FASTKD1: variants seen among roughly 807,000 people sequenced by gnomAD.
FASTKD1 encodes the protein FAST kinase domains 1, also known as FAST kinase domain-containing protein 1, mitochondrial.
A neutral mutation model predicts 90.9 loss-of-function variants in FASTKD1; 94 were observed. The ratio of observed to expected loss-of-function variants is 1.03; its 90% CI spans 0.88 to 1.23. FASTKD1 has a LOEUF of 1.23. FASTKD1 is among the 50% of genes most tolerant of loss of function. The pLI is 0.00. For synonymous variants in FASTKD1, 319 were observed against 345.8 expected (o/e 0.92, Z 0.86); for missense variants, 945 against 993.5 (o/e 0.95, Z 0.66).
chr2:169,554,455 G>C (rs1228128850), intron 7 of FASTKD1, among the ~76,000 whole-genome samples: 1 of 151,842 alleles, frequency 6.6e-6, no homozygotes, highest in Non-Finnish European at 1.5e-5. Flanking sequence ...CCTGAGGTCA[G>C]GAGTTCGAAA....
intron 9 of FASTKD1, among the ~76,000 whole-genome samples, chr2:169,541,153 C>T (rs939825235): frequency 1.5e-4 from 23 of 152,158 alleles, no homozygotes; most frequent in Non-Finnish European, 2.8e-4. Flanking sequence ...TGTCAAAATT[C>T]GTCTTTACTC....
At chr2:169,541,133 A>G in intron 9 of FASTKD1, among the ~76,000 whole-genome samples, 1 of 152,242 alleles carries the variant, frequency 6.6e-6, no homozygotes, top group East Asian at 1.9e-4. Context: ...TTCTACCAGC[A>G]AAACTAATCT....
intron 12 of FASTKD1, among the ~76,000 whole-genome samples, chr2:169,534,451 T>G (rs1371950285): frequency 3.2e-4 from 21 of 66,590 alleles, no homozygotes; most frequent in African/African-American, 7.9e-4. Flanking sequence ...ATTTCTGTTG[T>G]TTTTTTTTTT....
intron 2 of FASTKD1, among the ~76,000 whole-genome samples, chr2:169,570,296 T>C (rs1684173896): frequency 6.6e-6 from 1 of 152,222 alleles, no homozygotes; most frequent in African/African-American, 2.4e-5. Context: ...AGGCTGGATT[T>C]CCTTGCAAAC....
intron 3 of FASTKD1, among the ~76,000 whole-genome samples, chr2:169,568,860 A>T (rs3099554): frequency 1.3e-5 from 2 of 151,238 alleles, no homozygotes; most frequent in East Asian, 2.0e-4. Flanking sequence ...ATTAGCCCTG[A>T]GTCATGGTGG....
At chr2:169,562,088 TTTATTGTAAAA>T (rs1409784208) in intron 4 of FASTKD1, among the ~76,000 whole-genome samples, 5 of 135,040 alleles carry the variant, frequency 3.7e-5, no homozygotes, top group Admixed American at 7.8e-5. Context: ...TATTTATTAA[TTTATTGTAAAA>T]TAATTATTTA....
chr2:169,532,900 T>C (rs754627482), intron 12 of FASTKD1, among the ~76,000 whole-genome samples: 1 of 152,212 alleles, frequency 6.6e-6, no homozygotes, highest in African/African-American at 2.4e-5. Context: ...GAGTTCATTA[T>C]AGTAGGCCAA....
intron 12 of FASTKD1, among the ~76,000 whole-genome samples, chr2:169,533,760 CAT>C (rs540532868): frequency 6.4e-4 from 98 of 152,196 alleles, no homozygotes; most frequent in Non-Finnish European, 1.1e-3. Context: ...GTTGTATAAG[CAT>C]ATCTGTTGGC....
intron 2 of FASTKD1, 141 bp from the exon 3 acceptor site, chr2:169,569,393 T>C (rs1012605679): frequency 9.2e-6 from 7 of 760,776 alleles, no homozygotes; most frequent in East Asian, 7.6e-5. Context: ...TCCACTCTTA[T>C]TTCAATATTC....
At position 169,540,047 on chromosome 2, in the gene FASTKD1, A is replaced by G. The variant is rs1417172707; in HGVS notation, c.1945+4T>C. On this transcript the variant is annotated splice_donor_region_variant and intron_variant, in intron 10 of 14. Transcript: ENST00000453153. ...ATTAAATAAATTAAAAGATAGATAC[A>G]TACTTTCAAGTTGAGAATCCAATCT... The G allele has an allele frequency of 1.9e-6, 3 of 1,538,856 alleles. No individual in the cohort carries two copies. The highest frequency in any genetic ancestry group is 2.7e-6 in the Non-Finnish European group (3 of 1,122,990).
At chr2:169,567,879 CAGAGTTCCT>C (rs1684054813) in intron 3 of FASTKD1, among the ~76,000 whole-genome samples, 1 of 152,096 alleles carries the variant, frequency 6.6e-6, no homozygotes, top group Non-Finnish European at 1.5e-5. Flanking sequence ...TACAATCATC[CAGAGTTCCT>C]AGATTAAAAA....
chr2:169,539,277 A>G (rs1684865141), intron 10 of FASTKD1, among the ~76,000 whole-genome samples: 4 of 151,884 alleles, frequency 2.6e-5, no homozygotes, highest in Admixed American at 2.6e-4. Context: ...ATCTCAAAAA[A>G]AAAAAGAAAA....
intron 3 of FASTKD1, among the ~76,000 whole-genome samples, chr2:169,564,938 T>C (rs1683884385): frequency 1.3e-5 from 2 of 150,528 alleles, no homozygotes; most frequent in Non-Finnish European, 2.9e-5. Context: ...ATTGTGTATA[T>C]ATACCACATT....
At chr2:169,562,270 T>C (rs887049693) in intron 4 of FASTKD1, among the ~76,000 whole-genome samples, 8 of 151,908 alleles carry the variant, frequency 5.3e-5, no homozygotes, top group Non-Finnish European at 8.8e-5. Flanking sequence ...TCTTGCTCTG[T>C]TGCCCAGGCT....
chr2:169,546,758 G>A, intron 7 of FASTKD1, 54 bp from the exon 8 acceptor site: 1 of 1,499,746 alleles, frequency 6.7e-7, no homozygotes, highest in Non-Finnish European at 9.0e-7. Flanking sequence ...AAATATATAT[G>A]TATTAAAATA....
intron 12 of FASTKD1, among the ~76,000 whole-genome samples, chr2:169,533,502 C>T (rs1343515014): frequency 1.3e-5 from 2 of 152,162 alleles, no homozygotes; most frequent in Non-Finnish European, 2.9e-5. Context: ...ACTTTAGTCT[C>T]CTCATCTGCA....
chr2:169,561,898 A>G (rs1243955027), intron 4 of FASTKD1, among the ~76,000 whole-genome samples: 1 of 140,750 alleles, frequency 7.1e-6, no homozygotes, highest in Non-Finnish European at 1.5e-5. Context: ...ATTATTTATT[A>G]TAAATTATTT....
At position 169,560,388 on chromosome 2, in the gene FASTKD1, G is replaced by A. The variant is rs772941297; in HGVS notation, c.970C>T (p.Gln324Ter). 9.8e-6 allele frequency: 15 copies of A among 1,531,228 alleles called. No individual in the cohort carries two copies. The African/African-American group carries it at 2.0e-4, about 20-fold the overall frequency. 94.9% of individuals were successfully genotyped at this position (1,531,228 alleles called of 1,614,324 possible). Residue 324 changes from glutamine to a stop codon, truncating the protein, a stop_gained and splice_region_variant, in exon 5 of 15, where the codon CAA (glutamine) becomes TAA (stop). Transcript: ENST00000453153. LOFTEE classifies it high-confidence loss of function. ...GPIAGPEEKK[Q>*]LKSTMLLMSE... ...TAATGCATTTTAAACTGAACTTACTGTTTCTTTTCTTCAGGTCCTGCAATG... is the reference window on the plus strand; with the variant it reads ...TAATGCATTTTAAACTGAACTTACTATTTCTTTTCTTCAGGTCCTGCAATG...
intron 7 of FASTKD1, among the ~76,000 whole-genome samples, chr2:169,552,421 A>G (rs950560647): frequency 2.6e-5 from 4 of 152,168 alleles, no homozygotes; most frequent in African/African-American, 4.8e-5. Flanking sequence ...AAACACTGCA[A>G]TGTATGTTTA....
Sources: allele counts gnomAD v4.1 joint callset (sites outside exome capture counted in the v4.1 genomes callset), GRCh38; gene constraint gnomAD v4.1.1; transcripts MANE v1.5; gene names NCBI Gene and HGNC (gene_info 2026-07-23, HGNC 2026-07-21).